CDC14B: variants seen among roughly 807,000 people sequenced by gnomAD.
The protein encoded by CDC14B is dual specificity protein phosphatase CDC14B.
CDC14B carries 22 observed loss-of-function variants against 64.2 expected under a neutral mutation model. That is an observed-to-expected ratio of 0.34 (90% confidence interval 0.24 to 0.49). The LOEUF is 0.49. Among genes scored for constraint, CDC14B ranks in the 20% least tolerant of loss-of-function variants. The pLI is 0.99. For missense variants in CDC14B, 498 were observed against 629.9 expected, an observed-to-expected ratio of 0.79 and a Z score of 2.24; for synonymous variants, 191 against 215.8, an observed-to-expected ratio of 0.89 and a Z score of 1.01.
chr9:96,585,969 T>A (rs1455209428), intron 1 of CDC14B, among the ~76,000 whole-genome samples: 2 of 152,198 alleles, frequency 1.3e-5, no homozygotes, highest in East Asian at 1.9e-4. Context: ...ACACAAGAGT[T>A]TGTTTTATGA....
At chr9:96,533,870 C>T in intron 9 of CDC14B, 57 bp downstream of exon 9, 1 of 1,067,286 alleles carries the variant, frequency 9.4e-7, no homozygotes, top group Non-Finnish European at 1.3e-6. Flanking sequence ...TGGTCTGTTT[C>T]TACATATTCA....
At chr9:96,588,574 C>T (rs954149132) in intron 1 of CDC14B, among the ~76,000 whole-genome samples, 4 of 152,164 alleles carry the variant, frequency 2.6e-5, no homozygotes, top group Non-Finnish European at 5.9e-5. Context: ...GCGGCCTCCA[C>T]CTCCTGGGCT....
rs1433612420 is a variant in CDC14B, at chr9:96,515,119, C to T, written c.1344-5330G>A. Among the ~76,000 whole-genome samples the T allele has an allele frequency of 6.6e-6, 1 of 152,192 alleles. No homozygotes were observed. Among genetic ancestry groups the T allele is most frequent in the Non-Finnish European group, 1.5e-5 (1 of 68,034 alleles). On this transcript the variant is annotated intron_variant, in intron 12 of 13. Coordinates refer to ENST00000375241, the MANE Select transcript of CDC14B (RefSeq NM_033331.4). This position sits in a 1 kb window ranked among gnomAD's most constrained non-coding sequence, Gnocchi z 4.3. ...AAATGAGACAGAGCAGGAAATTCTG[C>T]ACACTAAAGAGAGAAGACTTATGAG...
At chr9:96,561,526 T>A (rs1057471040) in intron 4 of CDC14B, among the ~76,000 whole-genome samples, 1 of 152,196 alleles carries the variant, frequency 6.6e-6, no homozygotes, top group African/African-American at 2.4e-5. Context: ...TCGCCCAGGC[T>A]GGAGTGCAGT....
Position 96,494,805 on chromosome 9 carries a change from T to C in CDC14B, c.*80+1402A>G, listed in dbSNP as rs1304637103. Reference sequence around the variant, plus strand: ...CCGTCCCCTCCCGTCCTGTCCAGTCTCGTCCCGTCCCATCCCGTCTCCCCT... The same window carrying C: ...CCGTCCCCTCCCGTCCTGTCCAGTCCCGTCCCGTCCCATCCCGTCTCCCCT... On this transcript the variant is annotated intron_variant and NMD_transcript_variant, in intron 13 of 13. Transcript: ENST00000474602. Among the ~76,000 whole-genome samples the C allele has an allele frequency of 4.2e-3, 410 of 96,664 alleles. 4 individuals are homozygous for C. The highest frequency in any genetic ancestry group is 0.017 in the African/African-American group (393 of 23,666). The allele number at this position is 96,664 out of a possible 152,430, so 63.4% of individuals were successfully genotyped here. A position where few individuals can be genotyped will look rare whatever the true frequency, so the allele number is the denominator to read the frequency against.
At chr9:96,570,741 G>A (rs1442535198) in intron 1 of CDC14B, among the ~76,000 whole-genome samples, 5 of 152,296 alleles carry the variant, frequency 3.3e-5, no homozygotes, top group South Asian at 2.1e-4. Flanking sequence ...GTTTAGTGTC[G>A]CGTATTGTAT....
intron 9 of CDC14B, among the ~76,000 whole-genome samples, chr9:96,528,247 C>T (rs772386648): frequency 6.6e-6 from 1 of 152,262 alleles, no homozygotes; most frequent in East Asian, 1.9e-4. Context: ...GCTGGCCGGG[C>T]GTGGTGGCTC....
chr9:96,530,599 TA>T (rs1202309089), intron 9 of CDC14B, among the ~76,000 whole-genome samples: 1 of 151,902 alleles, frequency 6.6e-6, no homozygotes, highest in Non-Finnish European at 1.5e-5. Flanking sequence ...CTATAATACA[TA>T]TAAGTCATAT....
rs752604858 is a variant in CDC14B at position 96,534,683 on chromosome 9, C to T, written c.628-141G>A. 190 of 621,448 alleles carry T rather than the reference C, an allele frequency of 3.1e-4. 3 individuals are homozygous for T. The South Asian group carries it at 3.6e-3, about 12-fold the overall frequency. The allele number at this position is 621,448 out of a possible 1,614,324, so 38.5% of individuals were successfully genotyped here. On this transcript the variant is annotated intron_variant, in intron 7 of 13. Transcript: ENST00000375241. ...TTACAAATTGCCATGAGACAGGAAT[C>T]TCAATTTGCCCTGCTATAAGTATAT...
At chr9:96,510,646 C>G (rs1381023372) in intron 12 of CDC14B, among the ~76,000 whole-genome samples, 1 of 150,758 alleles carries the variant, frequency 6.6e-6, no homozygotes, top group Non-Finnish European at 1.5e-5. Context: ...TGCTCTGTCG[C>G]CCAGGCTGGA....
At chr9:96,510,906 C>T (rs745673447) in intron 12 of CDC14B, among the ~76,000 whole-genome samples, 6 of 152,144 alleles carry the variant, frequency 3.9e-5, no homozygotes, top group African/African-American at 7.2e-5. Flanking sequence ...CCACACCAGG[C>T]CTATATGCAA....
chr9:96,499,649 T>A (rs1379085661), downstream of CDC14B, among the ~76,000 whole-genome samples: 1 of 152,240 alleles, frequency 6.6e-6, no homozygotes, highest in Non-Finnish European at 1.5e-5. Context: ...AGAAGGGGGC[T>A]GGACTAACTT....
At chr9:96,506,371 C>T (rs1262269574) in intron 13 of CDC14B, among the ~76,000 whole-genome samples, 2 of 152,180 alleles carry the variant, frequency 1.3e-5, no homozygotes, top group East Asian at 3.8e-4. Context: ...AGGATAAAAG[C>T]TCCAGGCTAC....
At chr9:96,611,901 T>C (rs1742298121) in intron 1 of CDC14B, among the ~76,000 whole-genome samples, 2 of 152,226 alleles carry the variant, frequency 1.3e-5, no homozygotes, top group South Asian at 4.1e-4. Context: ...TAATTTCATA[T>C]ATTGTTTTAT....
At chr9:96,527,267 C>T (rs1160730060) in intron 9 of CDC14B, among the ~76,000 whole-genome samples, 6 of 152,040 alleles carry the variant, frequency 3.9e-5, no homozygotes, top group East Asian at 1.9e-4. Context: ...GGCGCGGTGG[C>T]GGGCGCCTGT....
At position 96,562,782 on chromosome 9, in the gene CDC14B, T is replaced by G. The variant is rs150380925; in HGVS notation, c.331A>C (p.Ile111Leu). Residue 111 changes from isoleucine to leucine, a missense_variant, in exon 4 of 14, where the codon ATT (isoleucine) becomes CTT (leucine). Physicochemically the swap from Ile to Leu is conservative, Grantham distance 5. Transcript: ENST00000375241. ...ACAATTTTCTTCCTTAACATTGTAATGGACTGCATAAAAATAAATAACTGT... is the reference window on the plus strand; with the variant it reads ...ACAATTTTCTTCCTTAACATTGTAAGGGACTGCATAAAAATAAATAACTGT... ...CCKINKKLKS[I>L]TMLRKKIVHF... The G allele has an allele frequency of 6.3e-7, 1 of 1,576,388 alleles. No homozygotes were observed. The highest frequency in any genetic ancestry group is 1.4e-5 in the African/African-American group (1 of 73,982).
chr9:96,548,780 GAC>G (rs1455357389), intron 5 of CDC14B, among the ~76,000 whole-genome samples: 1 of 151,034 alleles, frequency 6.6e-6, no homozygotes, highest in East Asian at 1.9e-4. Flanking sequence ...CAGCCTGGGT[GAC>G]AGAGCAAGAA....
At chr9:96,536,654 A>G (rs1839316159) in intron 7 of CDC14B, among the ~76,000 whole-genome samples, 1 of 152,310 alleles carries the variant, frequency 6.6e-6, no homozygotes, top group Admixed American at 6.5e-5. Context: ...GTTAAACGTA[A>G]GAGTTTGAAA....
intron 1 of CDC14B, among the ~76,000 whole-genome samples, chr9:96,607,397 A>C: frequency 7.2e-6 from 1 of 138,186 alleles, no homozygotes. Flanking sequence ...TATTCACTTC[A>C]GGTTAAACGT....
Sources: gnomAD v4.1 joint callset for allele counts (sites outside exome capture counted in the v4.1 genomes callset) on GRCh38, gnomAD v4.1.1 for gene constraint, Gnocchi (gnomAD v3.1) non-coding constraint, MANE v1.5 for transcripts, NCBI Gene and HGNC (gene_info 2026-07-23, HGNC 2026-07-21) for gene names.